The following MAPK10 variants were observed in gnomAD, a reference collection of about 807,000 sequenced individuals.
MAPK10 encodes the protein JNK3 alpha protein kinase.
Under a neutral mutation model 59.3 loss-of-function variants are expected in MAPK10, and 25 were observed. The ratio of observed to expected loss-of-function variants is 0.42; its 90% CI spans 0.31 to 0.59. The LOEUF (loss-of-function observed/expected upper bound fraction) is 0.59. Among genes scored for constraint, MAPK10 ranks in the 20% least tolerant of loss-of-function variants. MAPK10 has a pLI of 0.15. For synonymous variants in MAPK10, 190 were observed against 200.5 expected, an observed-to-expected ratio of 0.95 and a Z score of 0.44; for missense variants, 351 against 568.9, an observed-to-expected ratio of 0.62 and a Z score of 3.90.
At chr4:86,101,270 A>T in intron 7 of MAPK10, 53 bp from the exon 8 acceptor site, 1 of 1,417,664 alleles carries the variant, frequency 7.1e-7, no homozygotes, top group Non-Finnish European at 9.8e-7. Flanking sequence ...GTGAAATGTT[A>T]TTTCCATTGA....
intron 1 of MAPK10, among the ~76,000 whole-genome samples, chr4:86,487,033 C>T (rs1198774406): frequency 2.0e-5 from 3 of 152,056 alleles, no homozygotes; most frequent in African/African-American, 7.2e-5. Flanking sequence ...ATATCAGTGT[C>T]ATGAAAGATA....
intron 1 of MAPK10, among the ~76,000 whole-genome samples, chr4:86,356,007 C>T (rs1454562413): frequency 6.6e-6 from 1 of 151,688 alleles, no homozygotes; most frequent in African/African-American, 2.4e-5. Context: ...ATTTCTAGAA[C>T]TTTAAAGTCA....
chr4:86,182,090 T>C (rs577433021), intron 3 of MAPK10, among the ~76,000 whole-genome samples: 2 of 152,222 alleles, frequency 1.3e-5, no homozygotes, highest in African/African-American at 2.4e-5. Context: ...ATTATTGAAT[T>C]AATACCAGTG....
At chr4:86,461,565 A>G (rs1040215365) in intron 1 of MAPK10, among the ~76,000 whole-genome samples, 2 of 152,140 alleles carry the variant, frequency 1.3e-5, no homozygotes, top group Admixed American at 1.3e-4. Flanking sequence ...CAGGGTAACA[A>G]TGGGACAACT....
chr4:86,157,775 C>A (rs2068266970), intron 4 of MAPK10, among the ~76,000 whole-genome samples: 1 of 108,920 alleles, frequency 9.2e-6, no homozygotes, highest in African/African-American at 8.1e-5. Flanking sequence ...ATGTTCAAAT[C>A]TTTGTGATAA....
intron 2 of MAPK10, among the ~76,000 whole-genome samples, chr4:86,342,613 G>T (rs1725654052): frequency 6.6e-6 from 1 of 152,148 alleles, no homozygotes; most frequent in African/African-American, 2.4e-5. Context: ...TTTTACATAT[G>T]GAGAAACCAA....
chr4:86,189,188 G>A (rs1389806572), intron 3 of MAPK10, among the ~76,000 whole-genome samples: 2 of 152,136 alleles, frequency 1.3e-5, no homozygotes, highest in East Asian at 3.9e-4. Flanking sequence ...GATGCCTCCA[G>A]TGTTGTTCTT....
intron 1 of MAPK10, among the ~76,000 whole-genome samples, chr4:86,378,298 C>T (rs1476723853): frequency 1.3e-5 from 2 of 152,182 alleles, no homozygotes; most frequent in Admixed American, 1.3e-4. Flanking sequence ...AATGCTTCCA[C>T]CTCATGGCTT....
chr4:86,063,554 C>A (rs1417187320), intron 11 of MAPK10, among the ~76,000 whole-genome samples: 3 of 152,082 alleles, frequency 2.0e-5, no homozygotes, highest in Non-Finnish European at 4.4e-5. Context: ...TGGGCAACAG[C>A]AAGCCCCCCT....
chr4:86,153,793 G>T (rs1160244188), intron 4 of MAPK10, among the ~76,000 whole-genome samples: 1 of 152,116 alleles, frequency 6.6e-6, no homozygotes, highest in Non-Finnish European at 1.5e-5. Flanking sequence ...GAAGAATACA[G>T]TGTCTAATTC....
chr4:86,053,780 C>G (rs887906863), intron 11 of MAPK10, among the ~76,000 whole-genome samples: 5 of 152,066 alleles, frequency 3.3e-5, no homozygotes, highest in Non-Finnish European at 7.4e-5. Flanking sequence ...ATAAAATACA[C>G]TCTCACAAAT....
intron 3 of MAPK10, among the ~76,000 whole-genome samples, chr4:86,171,743 A>C (rs1398678726): frequency 6.6e-6 from 1 of 151,828 alleles, no homozygotes; most frequent in African/African-American, 2.4e-5. Context: ...TAATTAAACT[A>C]AAGAGCTTCT....
At chr4:86,115,527 T>C (rs1013336228) in intron 4 of MAPK10, among the ~76,000 whole-genome samples, 1 of 152,128 alleles carries the variant, frequency 6.6e-6, no homozygotes, top group African/African-American at 2.4e-5. Flanking sequence ...AATGGCACGA[T>C]CTTGGCTCAC....
intron 13 of MAPK10, chr4:86,025,397 A>G (rs1210020509): frequency 2.5e-6 from 1 of 396,286 alleles, no homozygotes; most frequent in Non-Finnish European, 4.5e-6. Context: ...GGCAATAAAC[A>G]GGAGTTCTAA....
At chr4:86,277,793 A>G (rs531455888) in intron 2 of MAPK10, among the ~76,000 whole-genome samples, 4 of 152,268 alleles carry the variant, frequency 2.6e-5, no homozygotes, top group Admixed American at 6.5e-5. Context: ...CATCTCCACT[A>G]TCAACCATCT....
chr4:86,330,076 C>T lies in MAPK10; in HGVS notation c.-7+24454G>A, dbSNP rs114835757. Among the ~76,000 whole-genome samples, 828 of 152,152 alleles carry T rather than the reference C, an allele frequency of 5.4e-3. 9 individuals carry two copies. The highest frequency in any genetic ancestry group is 0.019 in the African/African-American group (790 of 41,496). On this transcript the variant is annotated intron_variant, in intron 2 of 13. Coordinates refer to ENST00000641462, the MANE Select transcript of MAPK10 (RefSeq NM_138982.4). ...ATATGAGTGTGTGTACACATGTGTCCGTATCCCTGAAAATGAGAATCTGCA... is the reference window on the plus strand; with the variant it reads ...ATATGAGTGTGTGTACACATGTGTCTGTATCCCTGAAAATGAGAATCTGCA...
chr4:86,448,006 A>T (rs1185861999), intron 1 of MAPK10, among the ~76,000 whole-genome samples: 1 of 152,148 alleles, frequency 6.6e-6, no homozygotes, highest in Admixed American at 6.6e-5. Flanking sequence ...TCTATGTCTC[A>T]GTTTCCCCTT....
chr4:86,132,801 C>A (rs2061255407), intron 4 of MAPK10, among the ~76,000 whole-genome samples: 1 of 152,224 alleles, frequency 6.6e-6, no homozygotes, highest in Non-Finnish European at 1.5e-5. Context: ...ATCTGATGAT[C>A]TGTCACTGTC....
chr4:86,035,397 G>GAAA (rs2040050586), intron 11 of MAPK10, among the ~76,000 whole-genome samples: 1 of 108,278 alleles, frequency 9.2e-6, no homozygotes. Flanking sequence ...AAAAAAAAAT[G>GAAA]ATCCAGGGTA....
Sources: gnomAD v4.1 joint callset for allele counts (sites outside exome capture counted in the v4.1 genomes callset) on GRCh38, gnomAD v4.1.1 for gene constraint, MANE v1.5 for transcripts, NCBI Gene and HGNC (gene_info 2026-07-23, HGNC 2026-07-21) for gene names.